ZNF749: variants seen among roughly 807,000 people sequenced by gnomAD.
ZNF749 encodes the protein zinc finger protein 749.
ZNF749 carries 8 observed loss-of-function variants against 7.3 expected under a neutral mutation model. The ratio of observed to expected loss-of-function variants is 1.10; its 90% CI spans 0.64 to 1.98. The LOEUF (loss-of-function observed/expected upper bound fraction) is 1.98. Ranked by LOEUF, ZNF749 falls within the 30% of genes most tolerant of loss-of-function variation. The probability of loss-of-function intolerance (pLI) is 0.00; values close to 1 mark genes in which losing one functional copy is unlikely to be tolerated. For synonymous variants in ZNF749, 310 were observed against 322.4 expected, an observed-to-expected ratio of 0.96 and a Z score of 0.41; for missense variants, 898 against 932.4, an observed-to-expected ratio of 0.96 and a Z score of 0.48.
In ZNF749 at chr19:57,446,147, T is replaced by C. The variant is rs2123113095; in HGVS notation, c.*662T>C. On this transcript the variant is annotated 3_prime_UTR_variant, in exon 3 of 3. Coordinates refer to ENST00000334181, the MANE Select transcript of ZNF749 (RefSeq NM_001023561.4). ...CAAACTGGTACCAGTCTGTGGCCTGTTAGGAACCGGGCCAGCATCACTACC... is the reference window on the plus strand; with the variant it reads ...CAAACTGGTACCAGTCTGTGGCCTGCTAGGAACCGGGCCAGCATCACTACC... Among the ~76,000 whole-genome samples, 1 of 151,976 alleles carries C rather than the reference T, an allele frequency of 6.6e-6. No individual in the cohort carries two copies. Among genetic ancestry groups the C allele is most frequent in the South Asian group, 2.1e-4 (1 of 4,810 alleles).
In ZNF749 at chr19:57,445,581, T is replaced by C; in HGVS notation, c.*96T>C. ...AACCTATTAATATATGTAAATCTAATGTTGAAAGAGTTCAGATGGAAATCT... is the reference window on the plus strand; with the variant it reads ...AACCTATTAATATATGTAAATCTAACGTTGAAAGAGTTCAGATGGAAATCT... On this transcript the variant is annotated 3_prime_UTR_variant, in exon 3 of 3. Transcript: ENST00000334181. The C allele has an allele frequency of 2.0e-6, 3 of 1,498,100 alleles. No individual in the cohort carries two copies. The South Asian group carries it at 4.3e-5, about 21-fold the overall frequency. 92.8% of individuals were successfully genotyped at this position (1,498,100 alleles called of 1,614,324 possible). A position where few individuals can be genotyped will look rare whatever the true frequency, so the allele number is the denominator to read the frequency against.
In ZNF749 at chr19:57,443,781, G is replaced by A; in HGVS notation, c.633G>A (p.Leu211=). ...GGKDFCHQHG[L]FEHQKTHNGE... Reference sequence around the variant, plus strand: ...AAGACTTTTGCCACCAACATGGGCTGTTTGAGCACCAAAAAACCCATAATG... The same window carrying A: ...AAGACTTTTGCCACCAACATGGGCTATTTGAGCACCAAAAAACCCATAATG... Residue 211 remains leucine, a synonymous_variant, in exon 3 of 3, where the codon CTG becomes CTA. Transcript: ENST00000334181. 6.2e-7 allele frequency: 1 copy of A among 1,614,198 alleles called. No individual in the cohort carries two copies.
chr19:57,445,229 A>G lies in ZNF749; in HGVS notation c.2081A>G (p.Lys694Arg). ...IKHHKVCTGE[K>R]PHECSKCREL... The stretch of plus-strand genomic sequence containing the variant: ...CATCATAAAGTTTGCACTGGGGAGA[A>G]GCCTCATGAGTGCAGTAAATGTAGG... Residue 694 changes from lysine to arginine, a missense_variant, in exon 3 of 3, where the codon AAG becomes AGG. Physicochemically the swap from Lys to Arg is conservative, Grantham distance 26 (BLOSUM62 2). Coordinates refer to ENST00000334181, the MANE Select transcript of ZNF749 (RefSeq NM_001023561.4). 6.2e-7 allele frequency: 1 copy of G among 1,614,040 alleles called. No homozygotes were observed.
rs1401436266 is a variant in ZNF749, at chr19:57,435,671, A to AAGAGAG, written c.15+78_15+79insAGAGAG. 146 of 1,555,872 alleles carry AAGAGAG rather than the reference A, an allele frequency of 9.4e-5. 1 individual carries two copies. In the South Asian group the frequency reaches 1.7e-3, roughly 18 times the overall value. ...GTCCCAAGGAGCCGCCCTGCAGGTT[A>AAGAGAG]GGCCCTTGTGTCTCTAAGAGAGGGG... On this transcript the variant is annotated intron_variant, in intron 1 of 2. Transcript: ENST00000334181.
At chr19:57,431,899 T>C (rs1375562356), upstream of ZNF749, among the ~76,000 whole-genome samples, 1 of 152,174 alleles carries the variant, frequency 6.6e-6, no homozygotes, top group African/African-American at 2.4e-5. Flanking sequence ...CTTGGCTCAC[T>C]GCAACCTCTG....
chr19:57,431,962 A>C (rs148707638), upstream of ZNF749, among the ~76,000 whole-genome samples: 654 of 152,248 alleles, frequency 4.3e-3, 1 homozygote, highest in African/African-American at 0.014. Context: ...AGCTGGGATT[A>C]TAGGCGCATG....
upstream of ZNF749, among the ~76,000 whole-genome samples, chr19:57,433,607 G>A (rs746899260): frequency 6.1e-5 from 9 of 147,222 alleles, no homozygotes; most frequent in Non-Finnish European, 1.3e-4. Context: ...GTTGGGCAGA[G>A]TTAATTTTTC....
At chr19:57,431,871 G>A (rs571667504), upstream of ZNF749, among the ~76,000 whole-genome samples, 157 of 152,184 alleles carry the variant, frequency 1.0e-3, no homozygotes, top group African/African-American at 3.1e-3. Flanking sequence ...TGCCCAGGCT[G>A]AAGTGCAATG....
Position 57,444,959 on chromosome 19 carries a change from G to T in ZNF749, c.1811G>T (p.Arg604Ile), listed in dbSNP as rs1327476663. Residue 604 changes from arginine (R) to isoleucine (I), a missense_variant, in exon 3 of 3, where the codon AGA (arginine) becomes ATA (isoleucine). Transcript: ENST00000334181. Reference protein sequence around the residue: ...LDSYKLVIHQRIHTGEKPYKC... With the variant: ...LDSYKLVIHQIIHTGEKPYKC... ...AGCTACAAACTTGTTATTCATCAGA[G>T]AATTCACACTGGAGAAAAGCCTTAT... 3.7e-6 allele frequency: 6 copies of T among 1,614,082 alleles called. No individual in the cohort carries two copies. Among genetic ancestry groups the T allele is most frequent in the Non-Finnish European group, 4.2e-6 (5 of 1,179,996 alleles).
chr19:57,443,450 A>G lies in ZNF749; in HGVS notation c.302A>G (p.Glu101Gly). The G allele has an allele frequency of 6.2e-7, 1 of 1,614,260 alleles. No homozygotes were observed. Among genetic ancestry groups the G allele is most frequent in the Non-Finnish European group, 8.5e-7 (1 of 1,180,046 alleles). Residue 101 changes from glutamate (E) to glycine (G), a missense_variant, in exon 3 of 3, where the codon GAG (glutamate) becomes GGG (glycine). Glu to Gly is a moderately conservative substitution (Grantham distance 98). Coordinates refer to ENST00000334181, the MANE Select transcript of ZNF749 (RefSeq NM_001023561.4). The part of the protein sequence containing the change: ...SILKDILHLA[E>G]HDGTHPEQGL... ...CTGAAGGACATTCTGCACCTGGCTG[A>G]GCACGATGGAACACACCCTGAGCAA...
chr19:57,433,926 G>T (rs1204699074), upstream of ZNF749, among the ~76,000 whole-genome samples: 1 of 152,058 alleles, frequency 6.6e-6, no homozygotes, highest in African/African-American at 2.4e-5. Context: ...GTAGTGCATT[G>T]TAAAAAGCTG....
chr19:57,446,445 C>T lies in ZNF749; in HGVS notation c.*960C>T, dbSNP rs576543709. 9.2e-5 allele frequency among the ~76,000 whole-genome samples: 14 copies of T among 152,310 alleles called. No homozygotes were observed. The highest frequency in any genetic ancestry group is 1.9e-4 in the East Asian group (1 of 5,196). ...AACTACTCCTCTTCCTCATTCCCTA[C>T]GCCAACCAGCCCCTGACAATACTAC... On this transcript the variant is annotated 3_prime_UTR_variant, in exon 3 of 3. Transcript: ENST00000334181.
Position 57,444,063 on chromosome 19 carries a change from G to C in ZNF749, c.915G>C (p.Lys305Asn). The change falls in exon 3 of 3, where the codon AAG (lysine) becomes AAC (asparagine). Residue 305 changes from lysine to asparagine, a missense_variant. Physicochemically the swap from Lys to Asn is moderately conservative, Grantham distance 94. Coordinates refer to ENST00000334181, the MANE Select transcript of ZNF749 (RefSeq NM_001023561.4). ...PTPYECTQCG[K>N]AFLTQAHLVG... is the part of the protein sequence containing the mutation. ...CTTATGAATGCACCCAGTGTGGGAA[G>C]GCCTTTCTTACACAGGCTCATCTGG... The C allele has an allele frequency of 6.2e-7, 1 of 1,613,976 alleles. No homozygotes were observed. The highest frequency in any genetic ancestry group is 8.5e-7 in the Non-Finnish European group (1 of 1,179,900).
intron 1 of ZNF749, among the ~76,000 whole-genome samples, chr19:57,441,378 G>A (rs1327210738): frequency 6.6e-6 from 1 of 152,094 alleles, no homozygotes; most frequent in Non-Finnish European, 1.5e-5. Flanking sequence ...TGATTGACCC[G>A]CTGGATTTTC....
chr19:57,437,186 A>T (rs544465692), intron 1 of ZNF749, among the ~76,000 whole-genome samples: 18 of 152,266 alleles, frequency 1.2e-4, no homozygotes, highest in African/African-American at 4.1e-4. Context: ...AGGTTCAGGG[A>T]TGTGACTGAC....
At chr19:57,429,265 A>T in the ZNF749 span, among the ~76,000 whole-genome samples, 1 of 152,126 alleles carries the variant, frequency 6.6e-6, no homozygotes. The surrounding 1 kb of genome is among the most constrained non-coding windows in gnomAD (Gnocchi z 4.2). Flanking sequence ...ACCTCAGGTG[A>T]TCTGCCTGCC....
At chr19:57,438,678 C>G (rs1314540680) in intron 1 of ZNF749, among the ~76,000 whole-genome samples, 2 of 152,174 alleles carry the variant, frequency 1.3e-5, no homozygotes, top group Non-Finnish European at 2.9e-5. Flanking sequence ...CCCAGGCCCC[C>G]ACCACTTATC....
Position 57,435,468 on chromosome 19 carries a change from T to C in ZNF749, c.-111T>C. The C allele has an allele frequency of 6.8e-7, 1 of 1,477,892 alleles. No individual in the cohort carries two copies. Among genetic ancestry groups the C allele is most frequent in the African/African-American group, 1.4e-5 (1 of 71,702 alleles). The allele number at this position is 1,477,892 out of a possible 1,614,324, so 91.5% of individuals were successfully genotyped here. On this transcript the variant is annotated 5_prime_UTR_variant, in exon 1 of 3. Transcript: ENST00000334181. ...AGCGGTGTTCCTTCTACACAGAGGCTAGAGTGCGGATCGGCTGAGTCGGCT... is the reference window on the plus strand; with the variant it reads ...AGCGGTGTTCCTTCTACACAGAGGCCAGAGTGCGGATCGGCTGAGTCGGCT...
intron 1 of ZNF749, chr19:57,438,281 TTGAAGCCTGTTAACAATAATG>T: frequency 2.6e-6 from 1 of 380,700 alleles, no homozygotes; most frequent in Non-Finnish European, 4.6e-6. Flanking sequence ...TTAGGCATAA[TTGAAGCCTGTTAACAATAATG>T]TGAACTTGTG....
Sources: allele counts gnomAD v4.1 joint callset (sites outside exome capture counted in the v4.1 genomes callset), GRCh38; gene constraint gnomAD v4.1.1; non-coding constraint Gnocchi (gnomAD v3.1); transcripts MANE v1.5; gene names NCBI Gene and HGNC (gene_info 2026-07-23, HGNC 2026-07-21).